The following CACNA2D1 variants were observed in gnomAD, a reference collection of about 807,000 sequenced individuals.
CACNA2D1 encodes calcium voltage-gated channel auxiliary subunit alpha2delta 1, also known as voltage-dependent calcium channel subunit alpha-2/delta-1.
Under a neutral mutation model 171.5 loss-of-function variants are expected in CACNA2D1, and 53 were observed. That is an observed-to-expected ratio of 0.31 (90% CI 0.25 to 0.39). The LOEUF is 0.39. Ranked by LOEUF, CACNA2D1 falls within the 10% of genes least tolerant of loss-of-function variation. The pLI, the probability that CACNA2D1 is intolerant of heterozygous loss-of-function variation, is 1.00. For synonymous variants in CACNA2D1, 442 were observed against 443.1 expected, an observed-to-expected ratio of 1.00 and a Z score of 0.03; for missense variants, 903 against 1,299.8, an observed-to-expected ratio of 0.69 and a Z score of 4.69.
intron 3 of CACNA2D1, among the ~76,000 whole-genome samples, chr7:82,183,062 C>CAGGA (rs1797318799): frequency 6.6e-6 from 1 of 150,696 alleles, no homozygotes; most frequent in South Asian, 2.1e-4. Context: ...AAGTGAGGCG[C>CAGGA]AGGAAGGGTA....
At chr7:81,962,521 T>TAAACATCTAGGGA in intron 34 of CACNA2D1, 26 bp from the exon 35 acceptor site, 1 of 1,424,064 alleles carries the variant, frequency 7.0e-7, no homozygotes, top group Non-Finnish European at 9.7e-7. Flanking sequence ...AAAAAAAAAA[T>TAAACATCTAGGGA]AAACATCTAG....
intron 12 of CACNA2D1, chr7:82,029,747 A>G (rs2131119802): frequency 6.6e-6 from 1 of 151,920 alleles, no homozygotes; most frequent in Admixed American, 6.6e-5. Context: ...GTATGTATGT[A>G]TGCAGGCTTT....
intron 15 of CACNA2D1, among the ~76,000 whole-genome samples, chr7:82,008,371 A>G (rs1287654316): frequency 2.0e-5 from 3 of 152,116 alleles, no homozygotes; most frequent in Non-Finnish European, 4.4e-5. Context: ...TTGACAAGTA[A>G]AATTATGAAG....
intron 38 of CACNA2D1, among the ~76,000 whole-genome samples, chr7:81,951,991 T>TTTTTTA (rs1386764468): frequency 2.7e-4 from 39 of 146,454 alleles, no homozygotes; most frequent in Admixed American, 2.7e-4. Context: ...TTTTTTTTTT[T>TTTTTTA]AACCACATCC....
intron 3 of CACNA2D1, among the ~76,000 whole-genome samples, chr7:82,248,746 G>A (rs74351935): frequency 0.036 from 5,483 of 151,972 alleles, 234 homozygotes; most frequent in East Asian, 0.1. Context: ...GGGAAGAATA[G>A]ATGGTTCTTT....
intron 3 of CACNA2D1, among the ~76,000 whole-genome samples, chr7:82,311,801 C>A (rs901396851): frequency 1.3e-5 from 2 of 152,154 alleles, no homozygotes; most frequent in Non-Finnish European, 2.9e-5. Flanking sequence ...GACCAGTCTG[C>A]TTTGAAGCAC....
chr7:82,067,385 C>G (rs1048173855), intron 7 of CACNA2D1, among the ~76,000 whole-genome samples: 1 of 152,140 alleles, frequency 6.6e-6, no homozygotes, highest in African/African-American at 2.4e-5. Flanking sequence ...GTTCCCCAAT[C>G]AATTTCGCTT....
intron 3 of CACNA2D1, among the ~76,000 whole-genome samples, chr7:82,315,366 A>G (rs1289705830): frequency 6.6e-6 from 1 of 152,172 alleles, no homozygotes; most frequent in Non-Finnish European, 1.5e-5. Context: ...ATGATCATGT[A>G]CAAAGATGGA....
At chr7:82,292,093 A>G (rs1811714105) in intron 3 of CACNA2D1, among the ~76,000 whole-genome samples, 1 of 152,076 alleles carries the variant, frequency 6.6e-6, no homozygotes, top group African/African-American at 2.4e-5. Context: ...GTGCTGACAT[A>G]ATTATGATAA....
At chr7:82,160,265 T>C (rs1483722164) in intron 4 of CACNA2D1, among the ~76,000 whole-genome samples, 1 of 151,932 alleles carries the variant, frequency 6.6e-6, no homozygotes, top group Non-Finnish European at 1.5e-5. Context: ...TTCTTAATCA[T>C]ACAACAACTC....
At chr7:81,967,976 C>T (rs1021655317) in intron 29 of CACNA2D1, among the ~76,000 whole-genome samples, 1 of 151,476 alleles carries the variant, frequency 6.6e-6, no homozygotes, top group Non-Finnish European at 1.5e-5. Flanking sequence ...GTTTCCCTAA[C>T]CCCACCAGTG....
chr7:82,172,540 C>A (rs563990918), intron 3 of CACNA2D1, among the ~76,000 whole-genome samples: 25 of 151,218 alleles, frequency 1.7e-4, no homozygotes, highest in African/African-American at 4.9e-4. Context: ...GCAGCCTTGA[C>A]CTCCTGGGCT....
intron 25 of CACNA2D1, among the ~76,000 whole-genome samples, chr7:81,972,335 CT>C (rs1584241392): frequency 6.6e-6 from 1 of 151,652 alleles, no homozygotes; most frequent in East Asian, 1.9e-4. Flanking sequence ...TTACTGTCTA[CT>C]TTCACTTTCA....
At chr7:81,985,436 C>A (rs1374404719) in intron 21 of CACNA2D1, among the ~76,000 whole-genome samples, 1 of 151,950 alleles carries the variant, frequency 6.6e-6, no homozygotes, top group Non-Finnish European at 1.5e-5. Context: ...CTCAGACTCC[C>A]AAAGTGCTGG....
At position 82,408,051 on chromosome 7, in the gene CACNA2D1, C is replaced by T. The variant is rs1397467930; in HGVS notation, c.95+35314G>A. ...TTTTTTTTTTTTTGAGACTGAGTCT[C>T]ACTTTGTTGCCCAGGCTGGAGTGCA... On this transcript the variant is annotated intron_variant, in intron 1 of 38. Transcript: ENST00000356860. Among the ~76,000 whole-genome samples, 12 of 147,124 alleles carry T rather than the reference C, an allele frequency of 8.2e-5. No homozygotes were observed. The East Asian group carries it at 2.2e-3, about 27-fold the overall frequency.
rs1426885991 is a variant in CACNA2D1 at position 81,947,746 on chromosome 7, G to T, written c.*2646C>A. 1 of 151,802 alleles carries T rather than the reference G, an allele frequency of 6.6e-6. No individual in the cohort carries two copies. The highest frequency in any genetic ancestry group is 1.5e-5 in the Non-Finnish European group (1 of 67,848). The allele number at this position is 151,802 out of a possible 1,614,324, so 9.4% of individuals were successfully genotyped here. On this transcript the variant is annotated 3_prime_UTR_variant, in exon 39 of 39. Coordinates refer to ENST00000356860, the MANE Select transcript of CACNA2D1 (RefSeq NM_000722.4). ...TTTAAGTTCTTGTCAATGTAACTCA[G>T]AAAAATACTAAATGTAATGTAATAA...
chr7:82,219,530 A>G (rs1246081349), intron 3 of CACNA2D1, among the ~76,000 whole-genome samples: 1 of 152,040 alleles, frequency 6.6e-6, no homozygotes, highest in African/African-American at 2.4e-5. Context: ...TATTGTATTT[A>G]TTTATAAACA....
intron 1 of CACNA2D1, among the ~76,000 whole-genome samples, chr7:82,401,225 T>G (rs1300713683): frequency 2.0e-5 from 3 of 152,186 alleles, no homozygotes; most frequent in Non-Finnish European, 4.4e-5. Flanking sequence ...CAAAGGACTA[T>G]AAATCATGCT....
At chr7:82,354,156 C>T (rs1820163021) in intron 1 of CACNA2D1, among the ~76,000 whole-genome samples, 1 of 152,154 alleles carries the variant, frequency 6.6e-6, no homozygotes, top group Non-Finnish European at 1.5e-5. Context: ...AGTCATACTT[C>T]TGCAATACTG....
Sources: allele counts gnomAD v4.1 joint callset (sites outside exome capture counted in the v4.1 genomes callset), GRCh38; gene constraint gnomAD v4.1.1; transcripts MANE v1.5; gene names NCBI Gene and HGNC (gene_info 2026-07-23, HGNC 2026-07-21).